Variants in BRAF observed in about 807,000 individuals in gnomAD.
The protein encoded by BRAF is serine/threonine-protein kinase B-raf.
Under a neutral mutation model 104.6 loss-of-function variants are expected in BRAF, and 16 were observed. The observed-to-expected ratio is 0.15, with a 90% CI of 0.10 to 0.23. The LOEUF is 0.23. Ranked by LOEUF, BRAF falls within the 10% of genes least tolerant of loss-of-function variation. The probability of loss-of-function intolerance (pLI) is 1.00; values close to 1 mark genes in which losing one functional copy is unlikely to be tolerated. For missense variants in BRAF, 541 were observed against 937.3 expected, an observed-to-expected ratio of 0.58 and a Z score of 5.52; for synonymous variants, 310 against 341.6, an observed-to-expected ratio of 0.91 and a Z score of 1.02.
chr7:140,799,660 C>T (rs1435948452), intron 7 of BRAF: 1 of 232,724 alleles, frequency 4.3e-6, no homozygotes, highest in African/African-American at 2.2e-5. Context: ...AGTTCAAATA[C>T]CACCTTCTTC....
chr7:140,890,160 T>G (rs747301258), intron 1 of BRAF, among the ~76,000 whole-genome samples: 1 of 152,206 alleles, frequency 6.6e-6, no homozygotes, highest in African/African-American at 2.4e-5. Flanking sequence ...ACAAACTTCA[T>G]AGATTTGACC....
At chr7:140,789,855 C>T (rs961894216) in intron 8 of BRAF, among the ~76,000 whole-genome samples, 1 of 152,150 alleles carries the variant, frequency 6.6e-6, no homozygotes, top group African/African-American at 2.4e-5. Context: ...CTCGGCCTCC[C>T]GAGTAGCTAG....
intron 1 of BRAF, chr7:140,884,184 TTAAAAAA>T (rs1375568171): frequency 1.3e-5 from 2 of 151,928 alleles, no homozygotes; most frequent in Non-Finnish European, 2.9e-5. Context: ...TTTTTAAAAA[TTAAAAAA>T]TTTTTAAATT....
chr7:140,895,664 G>C (rs1425044729), intron 1 of BRAF, among the ~76,000 whole-genome samples: 3 of 152,118 alleles, frequency 2.0e-5, no homozygotes, highest in Non-Finnish European at 4.4e-5. Flanking sequence ...CCACATAAGA[G>C]TGAGAACATG....
At chr7:140,862,912 G>A (rs1224400621) in intron 1 of BRAF, among the ~76,000 whole-genome samples, 2 of 152,122 alleles carry the variant, frequency 1.3e-5, no homozygotes, top group Non-Finnish European at 2.9e-5. Context: ...GTAGAATAAT[G>A]TTTTCACTGT....
chr7:140,907,044 T>G (rs1816402603), intron 1 of BRAF, among the ~76,000 whole-genome samples: 1 of 152,214 alleles, frequency 6.6e-6, no homozygotes, highest in Admixed American at 6.5e-5. Flanking sequence ...GAGCTCTGAT[T>G]AAAGAAATTA....
chr7:140,715,749 TACA>T (rs1418973746), downstream of BRAF, among the ~76,000 whole-genome samples: 2 of 152,222 alleles, frequency 1.3e-5, no homozygotes, highest in African/African-American at 4.8e-5. Flanking sequence ...GGATTTTAAG[TACA>T]ACATTTGATT....
intron 1 of BRAF, among the ~76,000 whole-genome samples, chr7:140,875,324 C>T (rs796687091): frequency 5.3e-5 from 8 of 152,288 alleles, no homozygotes; most frequent in Admixed American, 1.3e-4. Context: ...TGGATAAATA[C>T]GTAGAATTCC....
At chr7:140,884,703 C>T (rs1813361034) in intron 1 of BRAF, among the ~76,000 whole-genome samples, 1 of 151,902 alleles carries the variant, frequency 6.6e-6, no homozygotes, top group East Asian at 1.9e-4. Context: ...CCTGCATTGG[C>T]CTCCCAAAGT....
chr7:140,900,423 G>C (rs1459763755), intron 1 of BRAF, among the ~76,000 whole-genome samples: 1 of 152,066 alleles, frequency 6.6e-6, no homozygotes, highest in African/African-American at 2.4e-5. Context: ...ATAACAGATG[G>C]GGAAGTCTAG....
intron 7 of BRAF, among the ~76,000 whole-genome samples, chr7:140,796,366 G>C (rs1421847177): frequency 6.7e-6 from 1 of 149,918 alleles, no homozygotes; most frequent in Non-Finnish European, 1.5e-5. Flanking sequence ...AAAAAAAAAG[G>C]CTTAAAATTG....
intron 1 of BRAF, among the ~76,000 whole-genome samples, chr7:140,860,485 A>G (rs913769398): frequency 1.4e-4 from 21 of 151,676 alleles, no homozygotes; most frequent in African/African-American, 4.8e-4. Context: ...AAAAAAAGAA[A>G]AAAAAGAAAA....
At chr7:140,904,986 T>G (rs1001410250) in intron 1 of BRAF, among the ~76,000 whole-genome samples, 5 of 152,210 alleles carry the variant, frequency 3.3e-5, no homozygotes, top group South Asian at 2.1e-4. Context: ...AGATCTTTAA[T>G]GAAAATGGAC....
chr7:140,918,911 G>A lies in BRAF; in HGVS notation c.138+5655C>T, dbSNP rs901066373. On this transcript the variant is annotated intron_variant, in intron 1 of 19. Transcript: ENST00000644969. ...TCCCAGCACTTTGGGAGGCTGAGGC[G>A]GGCAGATCACGAGGTCAGGAGATTG... Among the ~76,000 whole-genome samples the A allele has an allele frequency of 5.1e-4, 78 of 151,934 alleles. 1 individual carries two copies. The highest frequency in any genetic ancestry group is 4.7e-3 in the Admixed American group (72 of 15,266).
At chr7:140,816,281 A>G (rs1804876654) in intron 3 of BRAF, among the ~76,000 whole-genome samples, 2 of 152,300 alleles carry the variant, frequency 1.3e-5, no homozygotes, top group Non-Finnish European at 2.9e-5. Context: ...ACAGAAACTG[A>G]ATGGATCACC....
At chr7:140,809,910 C>G (rs1804057343) in intron 3 of BRAF, among the ~76,000 whole-genome samples, 1 of 82,384 alleles carries the variant, frequency 1.2e-5, no homozygotes, top group Non-Finnish European at 2.0e-5. Flanking sequence ...TTAAAGTTAT[C>G]TATCTTTAGC....
At chr7:140,783,342 A>C (rs1562957904) in intron 10 of BRAF, 185 bp from the exon 10 acceptor site, 1 of 664,804 alleles carries the variant, frequency 1.5e-6, no homozygotes. Context: ...AATTTCTTTT[A>C]GTTTTCTGGC....
intron 2 of BRAF, 33 bp downstream of exon 2, chr7:140,850,078 C>T: frequency 2.0e-6 from 3 of 1,464,920 alleles, no homozygotes; most frequent in Non-Finnish European, 1.9e-6. Flanking sequence ...TTTTTCTTTT[C>T]AAAATTACTA....
In BRAF at chr7:140,720,190, A is replaced by G. The variant is rs1282436008; in HGVS notation, c.*6304T>C. 9.4e-7 allele frequency: 1 copy of G among 1,062,548 alleles called. No homozygotes were observed. The highest frequency in any genetic ancestry group is 1.1e-6 in the Non-Finnish European group (1 of 877,650). 65.8% of individuals were successfully genotyped at this position (1,062,548 alleles called of 1,614,324 possible). A position where few individuals can be genotyped will look rare whatever the true frequency, so the allele number is the denominator to read the frequency against. On this transcript the variant is annotated 3_prime_UTR_variant, in exon 20 of 20. Coordinates refer to ENST00000644969, the MANE Select transcript of BRAF (RefSeq NM_001374258.1). ...AAAGGCAGCAATTGCCATGTTGAGG[A>G]AAGGATCAGATGTACAACCAACAAA...
Sources: allele counts gnomAD v4.1 joint callset (sites outside exome capture counted in the v4.1 genomes callset), GRCh38; gene constraint gnomAD v4.1.1; transcripts MANE v1.5; gene names NCBI Gene and HGNC (gene_info 2026-07-23, HGNC 2026-07-21).